BTD: variants seen among roughly 807,000 people sequenced by gnomAD.
BTD encodes the protein biotinidase.
BTD carries 13 observed loss-of-function variants against 17.7 expected under a neutral mutation model. That is an observed-to-expected ratio of 0.74 (90% CI 0.48 to 1.17). The LOEUF (loss-of-function observed/expected upper bound fraction) is 1.17, where lower values mean the gene tolerates loss of function less well. BTD is among the 50% of genes most tolerant of loss of function. The pLI, the probability that BTD is intolerant of heterozygous loss-of-function variation, is 0.00. For missense variants in BTD, 674 were observed against 650.4 expected (o/e 1.04, Z -0.39); for synonymous variants, 240 against 245.2 (o/e 0.98, Z 0.20).
chr3:15,664,048 C>T (rs2065952987), intron 3 of BTD, among the ~76,000 whole-genome samples: 1 of 152,138 alleles, frequency 6.6e-6, no homozygotes, highest in Non-Finnish European at 1.5e-5. Flanking sequence ...ATTACAGGTG[C>T]CTGCCACCAT....
At chr3:15,615,592 T>C (rs1559580631) in intron 1 of BTD, among the ~76,000 whole-genome samples, 1 of 152,232 alleles carries the variant, frequency 6.6e-6, no homozygotes, top group Non-Finnish European at 1.5e-5. Context: ...TTTTTATTTT[T>C]TAAATGCTTT....
downstream of BTD, chr3:15,714,601 C>G: frequency 6.3e-7 from 1 of 1,590,692 alleles, no homozygotes; most frequent in Non-Finnish European, 8.5e-7. Flanking sequence ...GGTTTGTGAT[C>G]GGGAGAATCT....
intron 2 of BTD, among the ~76,000 whole-genome samples, chr3:15,638,518 T>C (rs998834395): frequency 6.6e-6 from 1 of 152,210 alleles, no homozygotes; most frequent in South Asian, 2.1e-4. Context: ...AAATCAAAGA[T>C]ATGTACAGGG....
Position 15,666,646 on chromosome 3 carries a change from C to G in BTD, c.399+24589C>G, listed in dbSNP as rs115184444. Among the ~76,000 whole-genome samples, 888 of 152,034 alleles carry G rather than the reference C, an allele frequency of 5.8e-3. 6 individuals are homozygous for G. Among genetic ancestry groups the G allele is most frequent in the African/African-American group, 0.02 (847 of 41,536 alleles). On this transcript the variant is annotated intron_variant, in intron 3 of 3. Coordinates refer to the BTD transcript ENST00000672141. ...ATCTACTTGTTCTCACTTCTATTAT[C>G]TAATCTTGTACGTGTTTCCAATTAG...
rs147611802 is a variant in BTD at position 15,651,391 on chromosome 3, G to T, written c.*5903G>T. 4.1e-4 allele frequency among the ~76,000 whole-genome samples: 63 copies of T among 152,308 alleles called. No individual in the cohort carries two copies. Among genetic ancestry groups the T allele is most frequent in the African/African-American group, 1.5e-3 (63 of 41,570 alleles). On this transcript the variant is annotated 3_prime_UTR_variant, in exon 4 of 4. Coordinates refer to ENST00000643237, the MANE Select transcript of BTD (RefSeq NM_001370658.1). ...GAACAGAGTGATTTACACAGCTGTGGGCAGGATGTAGGGGAACCCAGAAAG... is the reference window on the plus strand; with the variant it reads ...GAACAGAGTGATTTACACAGCTGTGTGCAGGATGTAGGGGAACCCAGAAAG...
In BTD at chr3:15,691,333, C is replaced by T. The variant is rs1208732371; in HGVS notation, c.400-18727C>T. On this transcript the variant is annotated intron_variant, in intron 3 of 3. Coordinates refer to the BTD transcript ENST00000672141. ...AGAAACGGGGTTTCACCATGTTGGC[C>T]AGGATGGTCTCGATCTCTTGACCTT... Among the ~76,000 whole-genome samples the T allele has an allele frequency of 7.9e-5, 12 of 152,184 alleles. No homozygotes were observed. The South Asian group carries it at 1.0e-3, about 13-fold the overall frequency.
intron 4 of BTD, chr3:15,721,139 G>GA (rs749467646): frequency 4.4e-6 from 7 of 1,591,106 alleles, no homozygotes; most frequent in Non-Finnish European, 6.0e-6. Flanking sequence ...TATTAGAAGG[G>GA]AAAAAAATGC....
intron 1 of BTD, 45 bp downstream of exon 1, chr3:15,601,939 C>T: frequency 6.2e-7 from 1 of 1,610,552 alleles, no homozygotes; most frequent in South Asian, 1.1e-5. Context: ...GTGGTAAGGG[C>T]GTGCGGTCCA....
intron 3 of BTD, among the ~76,000 whole-genome samples, chr3:15,701,779 G>T (rs1324982790): frequency 1.3e-5 from 2 of 152,130 alleles, no homozygotes; most frequent in African/African-American, 4.8e-5. Flanking sequence ...AACTAATTCT[G>T]AGGACATGTC....
At chr3:15,716,547 G>A (rs898799328), downstream of BTD, among the ~76,000 whole-genome samples, 1 of 151,990 alleles carries the variant, frequency 6.6e-6, no homozygotes, top group African/African-American at 2.4e-5. Flanking sequence ...GCTTCCCAAA[G>A]TGCTGGGTTT....
exon 4 of BTD, among the ~76,000 whole-genome samples, chr3:15,712,517 G>A (rs1304649169): frequency 6.6e-6 from 1 of 152,124 alleles, no homozygotes; most frequent in Admixed American, 6.6e-5. Flanking sequence ...GCATCCCTGG[G>A]CTCTACCCAA....
At chr3:15,708,161 T>C in intron 3 of BTD, 1 of 1,362,646 alleles carries the variant, frequency 7.3e-7, no homozygotes, top group Non-Finnish European at 1.0e-6. Context: ...TTACAAATAC[T>C]TTATTTACAG....
In BTD at chr3:15,645,479, G is replaced by A; in HGVS notation, c.1563G>A (p.Glu521=). The A allele has an allele frequency of 6.8e-6, 11 of 1,606,016 alleles. No individual in the cohort carries two copies. Among genetic ancestry groups the A allele is most frequent in the Non-Finnish European group, 9.3e-6 (11 of 1,179,984 alleles). Residue 521 remains glutamate, a synonymous_variant, in exon 4 of 4, where the codon GAG becomes GAA. Coordinates refer to ENST00000643237, the MANE Select transcript of BTD (RefSeq NM_001370658.1). ...VTAALYGRLY[E]RD is the part of the protein sequence containing the mutation. ...CGGCTCTCTATGGGCGCTTGTATGA[G>A]AGGGACTAGGAAAAGTGTGTGGTCT...
intron 3 of BTD, chr3:15,670,140 A>C (rs2066202809): frequency 2.0e-6 from 2 of 1,024,450 alleles, no homozygotes; most frequent in Non-Finnish European, 2.8e-6. Flanking sequence ...ATGCCATCAG[A>C]TCTCTTAACA....
At position 15,650,595 on chromosome 3, in the gene BTD, C is replaced by G. The variant is rs1240592316; in HGVS notation, c.*5107C>G. On this transcript the variant is annotated 3_prime_UTR_variant, in exon 4 of 4. Transcript: ENST00000643237. ...TCATTTTCTCCCACAGACAGACTCTCGTGTAGTTGCAACAATGGCCATGAC... is the reference window on the plus strand; with the variant it reads ...TCATTTTCTCCCACAGACAGACTCTGGTGTAGTTGCAACAATGGCCATGAC... 1.3e-5 allele frequency among the ~76,000 whole-genome samples: 2 copies of G among 152,174 alleles called. No individual in the cohort carries two copies. The highest frequency in any genetic ancestry group is 2.9e-5 in the Non-Finnish European group (2 of 68,040).
downstream of BTD, chr3:15,714,550 CCA>C: frequency 6.8e-7 from 1 of 1,477,866 alleles, no homozygotes. Context: ...AAAAAAAACC[CCA>C]AAAAAAAAAC....
chr3:15,647,715 G>A lies in BTD; in HGVS notation c.*2227G>A, dbSNP rs901849813. The A allele has an allele frequency of 6.6e-6, 1 of 152,174 alleles. No homozygotes were observed. The highest frequency in any genetic ancestry group is 1.5e-5 in the Non-Finnish European group (1 of 68,032). The allele number at this position is 152,174 out of a possible 1,614,324, so 9.4% of individuals were successfully genotyped here. A position where few individuals can be genotyped will look rare whatever the true frequency, so the allele number is the denominator to read the frequency against. ...AACTCAGGAAGCAAATGGCAATCTT[G>A]ACCACAACATGGAGACAGGAAATCA... is the stretch of plus-strand genomic sequence containing the variant. On this transcript the variant is annotated 3_prime_UTR_variant, in exon 4 of 4. Coordinates refer to ENST00000643237, the MANE Select transcript of BTD (RefSeq NM_001370658.1).
At chr3:15,639,141 T>G (rs765398047) in intron 2 of BTD, among the ~76,000 whole-genome samples, 4 of 152,054 alleles carry the variant, frequency 2.6e-5, no homozygotes, top group Non-Finnish European at 5.9e-5. Flanking sequence ...CTGAAGCCAT[T>G]TATCAAGAAT....
downstream of BTD, among the ~76,000 whole-genome samples, chr3:15,654,764 TG>T (rs2125535949): frequency 6.6e-6 from 1 of 152,062 alleles, no homozygotes; most frequent in African/African-American, 2.4e-5. Context: ...GATGGAATTT[TG>T]CACTTGTTGC....
Sources: gnomAD v4.1 joint callset for allele counts (sites outside exome capture counted in the v4.1 genomes callset) on GRCh38, gnomAD v4.1.1 for gene constraint, MANE v1.5 for transcripts, NCBI Gene and HGNC (gene_info 2026-07-23, HGNC 2026-07-21) for gene names.